Variants in PLEKHG3 observed in about 807,000 individuals in gnomAD.
The protein encoded by PLEKHG3 is pleckstrin homology domain-containing family G member 3.
A neutral mutation model predicts 94.9 loss-of-function variants in PLEKHG3; 62 were observed. The observed-to-expected ratio is 0.65, with a 90% CI of 0.53 to 0.81. The LOEUF (loss-of-function observed/expected upper bound fraction) is 0.81. PLEKHG3 is among the 30% of genes least tolerant of loss of function. PLEKHG3 has a pLI of 0.00. For missense variants in PLEKHG3, 1,461 were observed against 1,619.3 expected (o/e 0.90, Z 1.68); for synonymous variants, 614 against 654.0 (o/e 0.94, Z 0.93).
chr14:64,731,303 C>G lies in PLEKHG3; in HGVS notation c.850-58C>G. ...GGGGGAGCCTTTGTGGCAGGGTTTG[C>G]AGAGCCTCCTAAGGCCCCAGTGGCC... On this transcript the variant is annotated intron_variant, in intron 7 of 16. Transcript: ENST00000247226. This position sits in a 1 kb window ranked among gnomAD's most constrained non-coding sequence, Gnocchi z 6.1. The G allele has an allele frequency of 6.6e-7, 1 of 1,513,248 alleles. No individual in the cohort carries two copies. The highest frequency in any genetic ancestry group is 9.1e-7 in the Non-Finnish European group (1 of 1,094,764). 93.7% of individuals were successfully genotyped at this position (1,513,248 alleles called of 1,614,324 possible). A position where few individuals can be genotyped will look rare whatever the true frequency, so the allele number is the denominator to read the frequency against.
chr14:64,737,813 G>A (rs949635115), intron 14 of PLEKHG3: 2 of 1,015,242 alleles, frequency 2.0e-6, no homozygotes, highest in African/African-American at 1.7e-5. Flanking sequence ...CAGGAGGACG[G>A]GAGGTTGCCC....
In PLEKHG3 at chr14:64,720,364, G is replaced by A. The variant is rs1354540785; in HGVS notation, c.-39-7229G>A. ...TTCTTGGTTGATCGGAAACTTGCTG[G>A]CAGTGACTAATGTGGAGACTCATTA... On this transcript the variant is annotated intron_variant, in intron 1 of 16. Coordinates refer to ENST00000247226, the MANE Select transcript of PLEKHG3 (RefSeq NM_001308147.2). The surrounding 1 kb of genome is among the most constrained non-coding windows in gnomAD (Gnocchi z 4.1). Among the ~76,000 whole-genome samples, 1 of 152,228 alleles carries A rather than the reference G, an allele frequency of 6.6e-6. No homozygotes were observed. Among genetic ancestry groups the A allele is most frequent in the Non-Finnish European group, 1.5e-5 (1 of 68,034 alleles).
At position 64,716,810 on chromosome 14, in the gene PLEKHG3, T is replaced by C. The variant is rs2081171069; in HGVS notation, c.-39-10783T>C. ...CACTTTTCAAGGAGTAGACGCTGCTTCCTCGGCCGTGTCTCTACACGTGTG... is the reference window on the plus strand; with the variant it reads ...CACTTTTCAAGGAGTAGACGCTGCTCCCTCGGCCGTGTCTCTACACGTGTG... On this transcript the variant is annotated intron_variant, in intron 1 of 16. Coordinates refer to ENST00000247226, the MANE Select transcript of PLEKHG3 (RefSeq NM_001308147.2). The surrounding 1 kb of genome is among the most constrained non-coding windows in gnomAD (Gnocchi z 5.0). 6.6e-6 allele frequency among the ~76,000 whole-genome samples: 1 copy of C among 152,036 alleles called. No homozygotes were observed. Among genetic ancestry groups the C allele is most frequent in the South Asian group, 2.1e-4 (1 of 4,820 alleles).
Position 64,730,366 on chromosome 14 carries a change from A to G in PLEKHG3, c.519+54A>G. The G allele has an allele frequency of 8.7e-7, 1 of 1,155,096 alleles. No homozygotes were observed. The highest frequency in any genetic ancestry group is 1.3e-6 in the Non-Finnish European group (1 of 799,006). The allele number at this position is 1,155,096 out of a possible 1,614,324, so 71.6% of individuals were successfully genotyped here. On this transcript the variant is annotated intron_variant, in intron 4 of 16. Coordinates refer to ENST00000247226, the MANE Select transcript of PLEKHG3 (RefSeq NM_001308147.2). This position sits in a 1 kb window ranked among gnomAD's most constrained non-coding sequence, Gnocchi z 5.4. Reference sequence around the variant, plus strand: ...CCTACCTTGCTGAGAGCTCAGAGAGACAAGAACTGCCAGCATAAGAGGACA... The same window carrying G: ...CCTACCTTGCTGAGAGCTCAGAGAGGCAAGAACTGCCAGCATAAGAGGACA...
chr14:64,721,919 C>T lies in PLEKHG3; in HGVS notation c.-39-5674C>T, dbSNP rs2081268322. ...GGGTAAGAGCACAGCCGAGGGATTT[C>T]ACCATCTTAGTTGAGATCTTAGTTG... On this transcript the variant is annotated intron_variant, in intron 1 of 16. Coordinates refer to ENST00000247226, the MANE Select transcript of PLEKHG3 (RefSeq NM_001308147.2). The surrounding 1 kb of genome is among the most constrained non-coding windows in gnomAD (Gnocchi z 4.3). Among the ~76,000 whole-genome samples the T allele has an allele frequency of 6.6e-6, 1 of 152,206 alleles. No homozygotes were observed. Among genetic ancestry groups the T allele is most frequent in the Admixed American group, 6.5e-5 (1 of 15,282 alleles).
At position 64,741,468 on chromosome 14, in the gene PLEKHG3, C is replaced by T; in HGVS notation, c.1951C>T (p.Leu651=). Residue 651 remains leucine, a synonymous_variant, in exon 16 of 17, where the codon CTG becomes TTG. Coordinates refer to ENST00000247226, the MANE Select transcript of PLEKHG3 (RefSeq NM_001308147.2). ...CAGCCTGGAGGGCAGCGAGAAGGGC[C>T]TGGCCCGGCATGGCAGTGCCACAGA... ...VLSLEGSEKG[L]ARHGSATDSL... 2 of 1,612,814 alleles carry T rather than the reference C, an allele frequency of 1.2e-6. No individual in the cohort carries two copies. The highest frequency in any genetic ancestry group is 8.5e-7 in the Non-Finnish European group (1 of 1,180,018).
In PLEKHG3 at chr14:64,718,377, T is replaced by A. The variant is rs1490807403; in HGVS notation, c.-39-9216T>A. 6.6e-6 allele frequency among the ~76,000 whole-genome samples: 1 copy of A among 152,182 alleles called. No homozygotes were observed. The highest frequency in any genetic ancestry group is 1.5e-5 in the Non-Finnish European group (1 of 68,020). On this transcript the variant is annotated intron_variant, in intron 1 of 16. Coordinates refer to ENST00000247226, the MANE Select transcript of PLEKHG3 (RefSeq NM_001308147.2). This position sits in a 1 kb window ranked among gnomAD's most constrained non-coding sequence, Gnocchi z 5.0. Reference sequence around the variant, plus strand: ...ATGAATTCCCAAACTGGAGGCAGTCTTGAACTCCCATACTGCTCATGCCTG... The same window carrying A: ...ATGAATTCCCAAACTGGAGGCAGTCATGAACTCCCATACTGCTCATGCCTG...
chr14:64,750,247 A>C lies in PLEKHG3; in HGVS notation c.*6544A>C. 3 of 1,289,052 alleles carry C rather than the reference A, an allele frequency of 2.3e-6. No individual in the cohort carries two copies. The highest frequency in any genetic ancestry group is 3.2e-6 in the Non-Finnish European group (3 of 936,274). The allele number at this position is 1,289,052 out of a possible 1,614,324, so 79.9% of individuals were successfully genotyped here. On this transcript the variant is annotated 3_prime_UTR_variant, in exon 17 of 17. Coordinates refer to ENST00000247226, the MANE Select transcript of PLEKHG3 (RefSeq NM_001308147.2). ...CTTCACCATTAAAAAAAATTACACC[A>C]TGTTTGTTCTGATACATAGTAACAT...
At chr14:64,714,521 G>A (rs1305272175) in intron 1 of PLEKHG3, among the ~76,000 whole-genome samples, 1 of 152,106 alleles carries the variant, frequency 6.6e-6, no homozygotes, top group Non-Finnish European at 1.5e-5. Context: ...CCTTTTTGTG[G>A]CCGTCTTGCT....
chr14:64,734,814 G>A (rs776698944), intron 12 of PLEKHG3, among the ~76,000 whole-genome samples: 6 of 147,402 alleles, frequency 4.1e-5, no homozygotes, highest in South Asian at 2.2e-4. Flanking sequence ...TCTGCCTCCC[G>A]GGTTCAAGTG....
chr14:64,711,417 TG>T (rs1351186756), intron 1 of PLEKHG3, among the ~76,000 whole-genome samples: 100 of 149,448 alleles, frequency 6.7e-4, no homozygotes, highest in Non-Finnish European at 1.2e-3. Flanking sequence ...GCTTTTTTTT[TG>T]TTTTTTTTTT....
rs1169591106 is a variant in PLEKHG3, at chr14:64,726,599, C to T, written c.-39-994C>T. On this transcript the variant is annotated intron_variant, in intron 1 of 16. Transcript: ENST00000247226. The surrounding 1 kb of genome is among the most constrained non-coding windows in gnomAD (Gnocchi z 5.1). Reference sequence around the variant, plus strand: ...GCCTGCCTGTGAGCCACACCATCTGCTTTGGGAATAAAGTCCACCTGAGGC... The same window carrying T: ...GCCTGCCTGTGAGCCACACCATCTGTTTTGGGAATAAAGTCCACCTGAGGC... Among the ~76,000 whole-genome samples the T allele has an allele frequency of 6.6e-6, 1 of 152,198 alleles. No individual in the cohort carries two copies. Among genetic ancestry groups the T allele is most frequent in the Non-Finnish European group, 1.5e-5 (1 of 68,040 alleles).
Position 64,704,997 on chromosome 14 carries a change from C to T in PLEKHG3, c.-40+293C>T, listed in dbSNP as rs564513043. ...AATGCGCCGGGCGGCTCCAGAGAGG[C>T]TCAGTTTGAAATCCAGGAAGCCCGC... On this transcript the variant is annotated intron_variant, in intron 1 of 16. Coordinates refer to ENST00000247226, the MANE Select transcript of PLEKHG3 (RefSeq NM_001308147.2). This position sits in a 1 kb window ranked among gnomAD's most constrained non-coding sequence, Gnocchi z 5.6. Among the ~76,000 whole-genome samples, 1 of 152,288 alleles carries T rather than the reference C, an allele frequency of 6.6e-6. No individual in the cohort carries two copies. The highest frequency in any genetic ancestry group is 1.9e-4 in the East Asian group (1 of 5,160).
rs557990104 is a variant in PLEKHG3, at chr14:64,737,660, G to A, written c.1404+285G>A. Among the ~76,000 whole-genome samples, 4 of 152,352 alleles carry A rather than the reference G, an allele frequency of 2.6e-5. 1 individual carries two copies. In the South Asian group the frequency reaches 8.3e-4, roughly 32 times the overall value. ...CTCCCTAGGGTAGACAAGTAGGCAG[G>A]CCTGTTTGGGTTCTGAAGTTTTGAC... On this transcript the variant is annotated intron_variant, in intron 14 of 16. Transcript: ENST00000247226.
In PLEKHG3 at chr14:64,730,176, G is replaced by A. The variant is rs959919902; in HGVS notation, c.450-67G>A. 91 of 848,648 alleles carry A rather than the reference G, an allele frequency of 1.1e-4. No homozygotes were observed. The highest frequency in any genetic ancestry group is 1.6e-4 in the Non-Finnish European group (85 of 521,644). 52.6% of individuals were successfully genotyped at this position (848,648 alleles called of 1,614,324 possible). ...GTCAGTCAGGGTTTGGGAGGTTGGGGAGGGGGCAGTGAGGGGCATTGTCCT... is the reference window on the plus strand; with the variant it reads ...GTCAGTCAGGGTTTGGGAGGTTGGGAAGGGGGCAGTGAGGGGCATTGTCCT... On this transcript the variant is annotated intron_variant, in intron 3 of 16. Coordinates refer to ENST00000247226, the MANE Select transcript of PLEKHG3 (RefSeq NM_001308147.2). The surrounding 1 kb of genome is among the most constrained non-coding windows in gnomAD (Gnocchi z 5.4).
chr14:64,742,905 T>TGG, intron 16 of PLEKHG3, 77 bp from the exon 17 acceptor site: 4 of 1,444,270 alleles, frequency 2.8e-6, no homozygotes, highest in Non-Finnish European at 3.9e-6. Context: ...GAAAGTGAGT[T>TGG]GGGGCCTGCT....
Position 64,727,894 on chromosome 14 carries a change from A to G in PLEKHG3, c.263A>G (p.His88Arg). ...FNSRAAAGPA[H>R]HKLSYLGRVV... ...AGCCGGGCAGCGGCAGGGCCTGCAC[A>G]CCACAAGCTCAGCTACCTGGGCCGA... The change falls in exon 2 of 17, where the codon CAC (histidine) becomes CGC (arginine). Residue 88 changes from histidine to arginine, a missense_variant. Coordinates refer to ENST00000247226, the MANE Select transcript of PLEKHG3 (RefSeq NM_001308147.2). This position sits in a 1 kb window ranked among gnomAD's most constrained non-coding sequence, Gnocchi z 6.0. The G allele has an allele frequency of 6.2e-7, 1 of 1,612,978 alleles. No individual in the cohort carries two copies. Among genetic ancestry groups the G allele is most frequent in the Non-Finnish European group, 8.5e-7 (1 of 1,179,364 alleles).
chr14:64,737,668 G>A (rs920096888), intron 14 of PLEKHG3, among the ~76,000 whole-genome samples: 1 of 152,244 alleles, frequency 6.6e-6, no homozygotes, highest in Non-Finnish European at 1.5e-5. Flanking sequence ...AGGCCTGTTT[G>A]GGTTCTGAAG....
At chr14:64,708,420 T>G (rs934063146) in intron 1 of PLEKHG3, among the ~76,000 whole-genome samples, 1 of 150,316 alleles carries the variant, frequency 6.7e-6, no homozygotes, top group Non-Finnish European at 1.5e-5. Flanking sequence ...GGACAAGGGG[T>G]AGGGAAAGTG....
Sources: allele counts gnomAD v4.1 joint callset (sites outside exome capture counted in the v4.1 genomes callset), GRCh38; gene constraint gnomAD v4.1.1; non-coding constraint Gnocchi (gnomAD v3.1); transcripts MANE v1.5; gene names NCBI Gene and HGNC (gene_info 2026-07-23, HGNC 2026-07-21).